The following VCAN variants were observed in gnomAD, a reference collection of about 807,000 sequenced individuals.
VCAN encodes the protein versican.
A neutral mutation model predicts 245.5 loss-of-function variants in VCAN; 44 were observed. The observed-to-expected ratio is 0.18, with a 90% CI of 0.14 to 0.23. The LOEUF (loss-of-function observed/expected upper bound fraction) is 0.23. Ranked by LOEUF, VCAN falls within the 10% of genes least tolerant of loss-of-function variation. The pLI is 1.00. For missense variants in VCAN, 3,793 were observed against 4,057.9 expected (o/e 0.93, Z 1.77); for synonymous variants, 1,413 against 1,437.0 (o/e 0.98, Z 0.38).
At chr5:83,476,952 A>AT (rs1472992205) in intron 1 of VCAN, among the ~76,000 whole-genome samples, 2 of 152,174 alleles carry the variant, frequency 1.3e-5, no homozygotes, top group Non-Finnish European at 2.9e-5. Flanking sequence ...GAGATTACAT[A>AT]TTTTACAATA....
At chr5:83,576,717 T>C (rs1282893217) in intron 13 of VCAN, among the ~76,000 whole-genome samples, 1 of 152,184 alleles carries the variant, frequency 6.6e-6, no homozygotes, top group Non-Finnish European at 1.5e-5. Context: ...TTGCTCTACA[T>C]CTTCTCCAAC....
At chr5:83,554,391 G>A (rs1286124179) in intron 11 of VCAN, among the ~76,000 whole-genome samples, 2 of 152,192 alleles carry the variant, frequency 1.3e-5, no homozygotes, top group Admixed American at 6.5e-5. Context: ...TCTGGATAGA[G>A]GTTCATTTAA....
intron 5 of VCAN, 36 bp downstream of exon 5, chr5:83,493,967 T>C: frequency 6.2e-7 from 1 of 1,613,334 alleles, no homozygotes; most frequent in Non-Finnish European, 8.5e-7. Context: ...TCGTATGAAC[T>C]GAGAAAACTG....
intron 12 of VCAN, among the ~76,000 whole-genome samples, chr5:83,569,227 A>T (rs1004398509): frequency 1.3e-5 from 2 of 152,168 alleles, no homozygotes; most frequent in East Asian, 1.9e-4. Context: ...AAAAGCAAGA[A>T]CTTTTTGAGG....
At chr5:83,519,265 TACTC>T (rs1745976722) in intron 6 of VCAN, 80 bp from the exon 7 acceptor site, 4 of 1,437,426 alleles carry the variant, frequency 2.8e-6, no homozygotes, top group Non-Finnish European at 3.8e-6. Context: ...CCCTACAAAA[TACTC>T]AGGAGCACTT....
chr5:83,471,846 G>A lies in VCAN; in HGVS notation c.-184G>A. ...CATTAGGTGTTGTGGACAGGAGCTG[G>A]GACCAAGATCTTCGGCCAGCCCCGC... On this transcript the variant is annotated 5_prime_UTR_variant, in exon 1 of 15. Transcript: ENST00000265077. 2.5e-6 allele frequency: 1 copy of A among 398,016 alleles called. No homozygotes were observed. The highest frequency in any genetic ancestry group is 4.4e-6 in the Non-Finnish European group (1 of 225,828). 24.7% of individuals were successfully genotyped at this position (398,016 alleles called of 1,614,324 possible). A position where few individuals can be genotyped will look rare whatever the true frequency, so the allele number is the denominator to read the frequency against.
intron 6 of VCAN, among the ~76,000 whole-genome samples, chr5:83,518,642 T>A (rs1368458341): frequency 6.6e-6 from 1 of 152,018 alleles, no homozygotes; most frequent in African/African-American, 2.4e-5. Flanking sequence ...GCCAGGCACA[T>A]TTTATAATTT....
chr5:83,535,218 T>C (rs1746660608), intron 7 of VCAN, among the ~76,000 whole-genome samples: 1 of 152,060 alleles, frequency 6.6e-6, no homozygotes, highest in African/African-American at 2.4e-5. Context: ...TATGCTGTAG[T>C]TTAAGTAGTT....
chr5:83,538,916 A>T lies in VCAN; in HGVS notation c.5913A>T (p.Pro1971=), dbSNP rs1386426743. The T allele has an allele frequency of 1.9e-6, 3 of 1,613,918 alleles. No individual in the cohort carries two copies. In the African/African-American group the frequency reaches 4.0e-5, roughly 22 times the overall value. The change falls in exon 8 of 15, where the codon CCA becomes CCT. Residue 1971 remains proline, a synonymous_variant. Coordinates refer to ENST00000265077, the MANE Select transcript of VCAN (RefSeq NM_004385.5). The stretch of plus-strand genomic sequence containing the variant: ...CATTTAGGGACACCCAGACTTCACC[A>T]TCTACAGTACCTACTTCAGTTCACA... ...DAAFRDTQTS[P]STVPTSVHIS...
chr5:83,562,199 A>G (rs900288830), intron 12 of VCAN: 1 of 152,178 alleles, frequency 6.6e-6, no homozygotes, highest in Admixed American at 6.6e-5. Flanking sequence ...ATTAATCCAA[A>G]AGCCAAGGAA....
chr5:83,556,164 C>A (rs1443873004), intron 12 of VCAN, among the ~76,000 whole-genome samples: 4 of 152,124 alleles, frequency 2.6e-5, no homozygotes, highest in Non-Finnish European at 4.4e-5. Context: ...TATGTTTATT[C>A]CCCACAATAA....
intron 7 of VCAN, among the ~76,000 whole-genome samples, chr5:83,534,348 T>A (rs759055074): frequency 3.4e-4 from 52 of 152,086 alleles, no homozygotes; most frequent in Non-Finnish European, 7.4e-5. Context: ...TCCTTATTTA[T>A]CCTTGTGTTT....
At chr5:83,480,000 G>A (rs1288235546) in intron 1 of VCAN, among the ~76,000 whole-genome samples, 1 of 152,156 alleles carries the variant, frequency 6.6e-6, no homozygotes, top group Admixed American at 6.5e-5. Context: ...GGGAGAGACT[G>A]CTGCTTGGTT....
chr5:83,485,404 CAAAA>C (rs35054904), intron 2 of VCAN, among the ~76,000 whole-genome samples: 7 of 104,364 alleles, frequency 6.7e-5, no homozygotes, highest in Admixed American at 9.7e-5. Flanking sequence ...AACTCCATGT[CAAAA>C]AAAAAAAAAA....
chr5:83,520,306 G>A lies in VCAN; in HGVS notation c.2000G>A (p.Gly667Glu). 1.2e-6 allele frequency: 2 copies of A among 1,613,762 alleles called. No individual in the cohort carries two copies. Among genetic ancestry groups the A allele is most frequent in the Middle Eastern group, 1.7e-4 (1 of 6,058 alleles). Residue 667 changes from glycine to glutamate, a missense_variant, in exon 7 of 15, where the codon GGA (glycine) becomes GAA (glutamate). By Grantham distance (98) the Gly-to-Glu change is moderately conservative. Coordinates refer to ENST00000265077, the MANE Select transcript of VCAN (RefSeq NM_004385.5). ...PYSGDKILVE[G>E]ISTVIYPSLQ... Reference sequence around the variant, plus strand: ...TCTGGTGATAAAATATTAGTAGAGGGAATTTCCACAGTTATTTATCCTTCT... The same window carrying A: ...TCTGGTGATAAAATATTAGTAGAGGAAATTTCCACAGTTATTTATCCTTCT...
intron 13 of VCAN, among the ~76,000 whole-genome samples, chr5:83,574,596 T>C (rs1204947414): frequency 6.6e-6 from 1 of 152,166 alleles, no homozygotes. Flanking sequence ...TCTAGGGATT[T>C]TGGTCTTTAG....
Position 83,493,879 on chromosome 5 carries a change from C to A in VCAN, c.696C>A (p.Phe232Leu). The A allele has an allele frequency of 6.2e-7, 1 of 1,614,084 alleles. No individual in the cohort carries two copies. The highest frequency in any genetic ancestry group is 1.7e-5 in the Admixed American group (1 of 60,014). ...MGKAGVRTYG[F>L]RSPQETYDVY... ...AGGCAGGAGTCAGGACTTATGGATT[C>A]CGTTCTCCCCAGGAAACTTACGATG... Residue 232 changes from phenylalanine (F) to leucine (L), a missense_variant, in exon 5 of 15, where the codon TTC becomes TTA. By Grantham distance (22) the Phe-to-Leu change is conservative. This residue lies in a region of VCAN where 190 missense variants were observed against 288.6 expected (regional missense o/e 0.66). Coordinates refer to ENST00000265077, the MANE Select transcript of VCAN (RefSeq NM_004385.5).
chr5:83,486,400 C>T (rs1744793139), intron 2 of VCAN, among the ~76,000 whole-genome samples: 1 of 152,158 alleles, frequency 6.6e-6, no homozygotes, highest in African/African-American at 2.4e-5. Context: ...TTTTTAGAGT[C>T]TAGGTTCCAC....
At chr5:83,511,367 T>C (rs954853042) in intron 5 of VCAN, among the ~76,000 whole-genome samples, 3 of 151,972 alleles carry the variant, frequency 2.0e-5, no homozygotes, top group Non-Finnish European at 4.4e-5. Context: ...AACAAAGGCT[T>C]TATCCAAAGA....
Sources: gnomAD v4.1 joint callset for allele counts (sites outside exome capture counted in the v4.1 genomes callset) on GRCh38, gnomAD v4.1.1 for gene constraint, gnomAD v4.1.1 regional missense constraint, MANE v1.5 for transcripts, NCBI Gene and HGNC (gene_info 2026-07-23, HGNC 2026-07-21) for gene names.